ADGRD2: variants seen among roughly 807,000 people sequenced by gnomAD.
The protein encoded by ADGRD2 is G protein-coupled receptor PGR24.
A neutral mutation model predicts 44.4 loss-of-function variants in ADGRD2; 71 were observed. The ratio of observed to expected loss-of-function variants is 1.60; its 90% CI spans 1.32 to 1.95. ADGRD2 has a LOEUF of 1.95. ADGRD2 is among the 30% of genes most tolerant of loss of function. The pLI is 0.00. For missense variants in ADGRD2, 1,039 were observed against 512.4 expected, an observed-to-expected ratio of 2.03 and a Z score of -9.92; for synonymous variants, 481 against 224.8, an observed-to-expected ratio of 2.14 and a Z score of -10.19.
chr9:124,476,392 T>C, exon 20 of ADGRD2: 1 of 702,022 alleles, frequency 1.4e-6, no homozygotes, highest in East Asian at 2.7e-5. Flanking sequence ...AGCATTCTCC[T>C]CCATTGCAAA....
exon 15 of ADGRD2, chr9:124,469,338 G>C (rs756981138): frequency 7.0e-6 from 5 of 718,234 alleles, no homozygotes; most frequent in Non-Finnish European, 1.3e-5. Flanking sequence ...CGTGGGGCCT[G>C]TGCTCTTCGT....
rs1249736467 is a variant in ADGRD2, at chr9:124,468,528, G to A, written c.2245G>A (p.Val749Met). Reference sequence around the variant, plus strand: ...CCTGACCCTCCCACAGGTGGCATGTGTGGCTGTCACAGTCGCAATGCACTT... The same window carrying A: ...CCTGACCCTCCCACAGGTGGCATGTATGGCTGTCACAGTCGCAATGCACTT... Residue 749 changes from valine to methionine, a missense_variant, in exon 14 of 22, where the codon GTG (valine) becomes ATG (methionine). Physicochemically the swap from Val to Met is conservative, Grantham distance 21. Coordinates refer to ENST00000334810, the Ensembl canonical transcript of ADGRD2. The A allele has an allele frequency of 1.4e-5, 10 of 718,558 alleles. No homozygotes were observed. The East Asian group carries it at 2.7e-4, about 19-fold the overall frequency. The allele number at this position is 718,558 out of a possible 1,614,324, so 44.5% of individuals were successfully genotyped here.
At chr9:124,473,039 C>T (rs191477085) in intron 17 of ADGRD2, among the ~76,000 whole-genome samples, 1 of 152,340 alleles carries the variant, frequency 6.6e-6, no homozygotes, top group East Asian at 1.9e-4. Context: ...TCCCTCTCCC[C>T]AGGCCCGGCC....
intron 10 of ADGRD2, 36 bp downstream of exon 13, chr9:124,458,757 G>A: frequency 1.4e-6 from 1 of 714,064 alleles, no homozygotes; most frequent in Non-Finnish European, 2.6e-6. Context: ...AGCCATCCTG[G>A]CGCACGTGTC....
At chr9:124,471,950 T>C in intron 17 of ADGRD2, among the ~76,000 whole-genome samples, 1 of 152,216 alleles carries the variant, frequency 6.6e-6, no homozygotes, top group Admixed American at 6.5e-5. Flanking sequence ...CTGGGTTCAG[T>C]CTGGCTGGGC....
intron 1 of ADGRD2, 66 bp from the exon 5 acceptor site, chr9:124,452,444 G>A: frequency 2.8e-6 from 2 of 715,876 alleles, no homozygotes; most frequent in East Asian, 5.4e-5. Flanking sequence ...CCTTGGCTCC[G>A]CCCAGCCCTG....
At chr9:124,453,482 T>A in exon 3 of ADGRD2, 1 of 703,286 alleles carries the variant, frequency 1.4e-6, no homozygotes, top group East Asian at 2.8e-5. Context: ...GGCGGTGGCT[T>A]CTCGGTGCGT....
chr9:124,451,069 A>G, upstream of ADGRD2: 6 of 472,066 alleles, frequency 1.3e-5, no homozygotes, highest in South Asian at 9.3e-5. Flanking sequence ...TGGAGGTGGT[A>G]CTACTGAGAG....
upstream of ADGRD2, chr9:124,451,796 C>T: frequency 2.6e-6 from 1 of 381,092 alleles, no homozygotes; most frequent in South Asian, 2.9e-5. Flanking sequence ...CTCATAAGGT[C>T]ACTGCAAATG....
Position 124,452,292 on chromosome 9 carries a change from C to T in ADGRD2, c.68+134C>T, listed in dbSNP as rs879695037. On this transcript the variant is annotated intron_variant, in intron 1 of 21. Coordinates refer to ENST00000334810, the Ensembl canonical transcript of ADGRD2. ...TCCACCCCCACCATACCAGGCCCTG[C>T]GAGGAACGCTTCACTGGTTTCCGTC... 6 of 633,746 alleles carry T rather than the reference C, an allele frequency of 9.5e-6. No individual in the cohort carries two copies. In the Admixed American group the frequency reaches 1.0e-4, roughly 11 times the overall value. The allele number at this position is 633,746 out of a possible 1,614,324, so 39.3% of individuals were successfully genotyped here. A position where few individuals can be genotyped will look rare whatever the true frequency, so the allele number is the denominator to read the frequency against.
chr9:124,466,160 C>T (rs1254653775), intron 10 of ADGRD2, 98 bp from the exon 14 acceptor site: 6 of 478,208 alleles, frequency 1.3e-5, no homozygotes, highest in Admixed American at 3.7e-5. Context: ...GGTCACCTAG[C>T]TGGTTAGAGG....
exon 2 of ADGRD2, chr9:124,452,523 C>G: frequency 1.4e-6 from 1 of 718,542 alleles, no homozygotes; most frequent in Non-Finnish European, 2.6e-6. Context: ...CCGTGGCCGC[C>G]GGCGAGGTGG....
exon 3 of ADGRD2, chr9:124,453,200 C>A: frequency 3.0e-6 from 2 of 660,332 alleles, no homozygotes; most frequent in Admixed American, 2.3e-5. Flanking sequence ...GCCGCGCCCG[C>A]GCTGCCCAAC....
At chr9:124,472,468 T>A (rs1413636497) in intron 17 of ADGRD2, among the ~76,000 whole-genome samples, 65 of 122,432 alleles carry the variant, frequency 5.3e-4, no homozygotes, top group African/African-American at 2.3e-3. Flanking sequence ...TTTTTGTTTG[T>A]TTTTTGTTTT....
chr9:124,466,098 C>A (rs1007584333), intron 10 of ADGRD2, 160 bp from the exon 14 acceptor site: 7 of 449,884 alleles, frequency 1.6e-5, no homozygotes. Context: ...GAATGTCAAG[C>A]ACATTTTACA....
intron 10 of ADGRD2, among the ~76,000 whole-genome samples, chr9:124,459,962 G>A (rs1310039601): frequency 6.6e-6 from 1 of 151,970 alleles, no homozygotes; most frequent in Non-Finnish European, 1.5e-5. Flanking sequence ...AAACTGACGT[G>A]GAAAGATCTC....
chr9:124,463,599 T>G (rs1472065385), intron 10 of ADGRD2, among the ~76,000 whole-genome samples: 2 of 152,224 alleles, frequency 1.3e-5, no homozygotes, highest in Non-Finnish European at 2.9e-5. Flanking sequence ...AGATTTTTAA[T>G]TGTGTGTTCT....
chr9:124,468,364 C>T (rs571385129), intron 13 of ADGRD2, among the ~76,000 whole-genome samples, 155 bp from the exon 17 acceptor site: 1 of 152,278 alleles, frequency 6.6e-6, no homozygotes, highest in South Asian at 2.1e-4. Flanking sequence ...GGAGGAAAGG[C>T]CCCGAATGGT....
intron 17 of ADGRD2, 129 bp downstream of exon 20, chr9:124,470,743 A>G (rs1392500515): frequency 1.2e-5 from 7 of 592,168 alleles, no homozygotes; most frequent in East Asian, 5.6e-5. Flanking sequence ...CAACTGGGAC[A>G]TCCTATCTAA....
Sources: gnomAD v4.1 joint callset for allele counts (sites outside exome capture counted in the v4.1 genomes callset) on GRCh38, gnomAD v4.1.1 for gene constraint, MANE v1.5 for transcripts, NCBI Gene and HGNC (gene_info 2026-07-23, HGNC 2026-07-21) for gene names.